The following SATB2 variants were observed in gnomAD, a reference collection of about 807,000 sequenced individuals.
SATB2 encodes DNA-binding protein SATB2.
In SATB2, 1 loss-of-function variant was observed where a neutral mutation model predicts 73.4. That is an observed-to-expected ratio of 0.01 (90% CI 0.00 to 0.06). SATB2 has a LOEUF of 0.06. SATB2 is among the 10% of genes least tolerant of loss of function. The pLI is 1.00. For synonymous variants in SATB2, 397 were observed against 367.0 expected (o/e 1.08, Z -0.93); for missense variants, 459 against 945.8 (o/e 0.49, Z 6.75).
intron 10 of SATB2, among the ~76,000 whole-genome samples, chr2:199,305,163 T>C (rs1192551230): frequency 6.6e-6 from 1 of 152,090 alleles, no homozygotes; most frequent in Non-Finnish European, 1.5e-5. Context: ...ATGACAGCTA[T>C]ATATGCATGT....
chr2:199,452,161 AT>A (rs543516738), intron 2 of SATB2, among the ~76,000 whole-genome samples: 12 of 152,272 alleles, frequency 7.9e-5, no homozygotes, highest in African/African-American at 2.9e-4. Context: ...AAGATTTCTG[AT>A]GTTTAATGTC....
intron 10 of SATB2, among the ~76,000 whole-genome samples, chr2:199,276,719 G>A (rs1391732843): frequency 6.6e-6 from 1 of 151,078 alleles, no homozygotes; most frequent in Non-Finnish European, 1.5e-5. Flanking sequence ...TTATGAAAAA[G>A]CTGGCAGGAC....
chr2:199,289,379 T>C (rs1692782767), intron 10 of SATB2, among the ~76,000 whole-genome samples: 1 of 152,090 alleles, frequency 6.6e-6, no homozygotes, highest in African/African-American at 2.4e-5. Flanking sequence ...CCTAATTCCC[T>C]GGGGCAAAGT....
At chr2:199,450,079 G>C (rs970715507) in intron 2 of SATB2, among the ~76,000 whole-genome samples, 4 of 152,012 alleles carry the variant, frequency 2.6e-5, no homozygotes, top group Non-Finnish European at 5.9e-5. Flanking sequence ...TCTTATTCTT[G>C]GGGAGTGGGG....
chr2:199,419,346 T>C (rs949918093), intron 3 of SATB2, among the ~76,000 whole-genome samples: 1 of 152,230 alleles, frequency 6.6e-6, no homozygotes, highest in African/African-American at 2.4e-5. Context: ...CAGGAAACTA[T>C]TAAACGCACT....
At chr2:199,444,764 T>G (rs1044716915) in intron 2 of SATB2, among the ~76,000 whole-genome samples, 39 of 152,312 alleles carry the variant, frequency 2.6e-4, no homozygotes, top group African/African-American at 8.4e-4. Context: ...GCTACTATTT[T>G]ATCTTGGCAC....
At chr2:199,367,218 A>C (rs1689312097) in intron 6 of SATB2, among the ~76,000 whole-genome samples, 1 of 152,162 alleles carries the variant, frequency 6.6e-6, no homozygotes, top group African/African-American at 2.4e-5. Flanking sequence ...TCTTATAATG[A>C]GAAGGGGTTA....
chr2:199,293,860 G>C (rs951511199), intron 10 of SATB2, among the ~76,000 whole-genome samples: 2 of 151,888 alleles, frequency 1.3e-5, no homozygotes, highest in Admixed American at 6.6e-5. Context: ...ACATGAAAAA[G>C]GGGGAGAAAG....
chr2:199,413,919 T>C (rs1466253431), intron 3 of SATB2, among the ~76,000 whole-genome samples: 1 of 152,182 alleles, frequency 6.6e-6, no homozygotes, highest in Non-Finnish European at 1.5e-5. Context: ...TAAGCCGCTG[T>C]TGAAGAGTTT....
chr2:199,349,266 T>C (rs1245182011), intron 6 of SATB2, 93 bp from the exon 7 acceptor site: 1 of 1,002,806 alleles, frequency 1.0e-6, no homozygotes, highest in African/African-American at 1.6e-5. Flanking sequence ...ACTTTTGGCA[T>C]GTTAATAATA....
chr2:199,281,212 T>C (rs911701365), intron 10 of SATB2, among the ~76,000 whole-genome samples: 1 of 150,034 alleles, frequency 6.7e-6, no homozygotes, highest in African/African-American at 2.5e-5. Context: ...CCAGCCTGGG[T>C]GACAGAGCAA....
intron 7 of SATB2, 130 bp downstream of exon 7, chr2:199,348,571 G>C (rs773074139): frequency 1.6e-5 from 12 of 758,098 alleles, no homozygotes; most frequent in Middle Eastern, 2.4e-4. Context: ...CATTAACTAA[G>C]GATTATTAAT....
At chr2:199,366,883 T>G (rs558551374) in intron 6 of SATB2, among the ~76,000 whole-genome samples, 1 of 145,188 alleles carries the variant, frequency 6.9e-6, no homozygotes, top group African/African-American at 2.5e-5. Context: ...GTAGAAGATA[T>G]GAGTGTTAAT....
At chr2:199,302,434 T>A (rs1452117979) in intron 10 of SATB2, among the ~76,000 whole-genome samples, 4 of 152,196 alleles carry the variant, frequency 2.6e-5, no homozygotes, top group Non-Finnish European at 4.4e-5. Flanking sequence ...AATAAATACA[T>A]ACAGAACAAC....
chr2:199,377,327 G>A (rs973006139), intron 5 of SATB2, among the ~76,000 whole-genome samples: 5 of 152,176 alleles, frequency 3.3e-5, no homozygotes, highest in African/African-American at 1.2e-4. Flanking sequence ...GCACTGAGCT[G>A]AGATCGTGCC....
chr2:199,353,997 T>C lies in SATB2; in HGVS notation c.701-4824A>G, dbSNP rs749303855. On this transcript the variant is annotated intron_variant, in intron 6 of 10. Transcript: ENST00000417098. The stretch of plus-strand genomic sequence containing the variant: ...GTGCTGTCTCTGACGGTGAAAGCAA[T>C]GTTCACATTCACAACAGAAAATATT... Among the ~76,000 whole-genome samples the C allele has an allele frequency of 4.9e-4, 75 of 152,312 alleles. No homozygotes were observed. The Middle Eastern group carries it at 0.014, about 28-fold the overall frequency.
upstream of SATB2, chr2:199,459,736 A>G (rs1195554968): frequency 3.3e-5 from 5 of 152,650 alleles, no homozygotes; most frequent in Admixed American, 1.3e-4. The surrounding 1 kb of genome is among the most constrained non-coding windows in gnomAD (Gnocchi z 4.2). Context: ...GGCCAAACTA[A>G]GTTCGGTTTC....
intron 3 of SATB2, among the ~76,000 whole-genome samples, chr2:199,414,563 G>A (rs757995469): frequency 6.6e-6 from 1 of 152,144 alleles, no homozygotes; most frequent in Admixed American, 6.5e-5. Context: ...TGACTTAGGA[G>A]GGAGCTTGTG....
chr2:199,278,275 C>G (rs571187193), intron 10 of SATB2, among the ~76,000 whole-genome samples: 1 of 152,126 alleles, frequency 6.6e-6, no homozygotes, highest in Non-Finnish European at 1.5e-5. Flanking sequence ...ATTGCAAAAC[C>G]GCAAGAAAGT....
Sources: gnomAD v4.1 joint callset for allele counts (sites outside exome capture counted in the v4.1 genomes callset) on GRCh38, gnomAD v4.1.1 for gene constraint, Gnocchi (gnomAD v3.1) non-coding constraint, MANE v1.5 for transcripts, NCBI Gene and HGNC (gene_info 2026-07-23, HGNC 2026-07-21) for gene names.